The following JAM3 variants were observed in gnomAD, a reference collection of about 807,000 sequenced individuals.
The protein encoded by JAM3 is junctional adhesion molecule C.
In JAM3, 31 loss-of-function variants were observed where a neutral mutation model predicts 39.4. The ratio of observed to expected loss-of-function variants is 0.79; its 90% CI spans 0.59 to 1.06. The LOEUF (loss-of-function observed/expected upper bound fraction) is 1.06, where lower values mean the gene tolerates loss of function less well. Among genes scored for constraint, JAM3 ranks in the 50% least tolerant of loss-of-function variants. The pLI is 0.00. For synonymous variants in JAM3, 182 were observed against 148.7 expected (o/e 1.22, Z -1.63); for missense variants, 455 against 391.4 (o/e 1.16, Z -1.37).
chr11:134,081,448 C>A (rs1005723915), intron 1 of JAM3, among the ~76,000 whole-genome samples: 2 of 152,190 alleles, frequency 1.3e-5, no homozygotes, highest in Non-Finnish European at 2.9e-5. Context: ...GGTGCCCTGC[C>A]TTCCAGCCAC....
At chr11:134,147,295 A>C (rs1159841418) in intron 6 of JAM3, among the ~76,000 whole-genome samples, 1 of 151,496 alleles carries the variant, frequency 6.6e-6, no homozygotes, top group African/African-American at 2.4e-5. Context: ...GTCTACTAAA[A>C]ATACAAAAAT....
intron 1 of JAM3, among the ~76,000 whole-genome samples, chr11:134,093,224 A>G (rs1020248267): frequency 8.7e-5 from 11 of 126,912 alleles, no homozygotes; most frequent in East Asian, 3.0e-4. Context: ...CATCTTATTC[A>G]TCATGTTCCG....
intron 1 of JAM3, among the ~76,000 whole-genome samples, chr11:134,087,692 A>G (rs1231561678): frequency 6.6e-6 from 1 of 152,218 alleles, no homozygotes; most frequent in African/African-American, 2.4e-5. Context: ...CAGGGGACCC[A>G]GGTTTTGCCA....
At chr11:134,109,370 C>T (rs866279659) in intron 1 of JAM3, among the ~76,000 whole-genome samples, 9 of 152,208 alleles carry the variant, frequency 5.9e-5, no homozygotes, top group African/African-American at 2.2e-4. Context: ...GTCTTCATAT[C>T]TTTATTTGCA....
chr11:134,111,277 G>T (rs1396620714), intron 1 of JAM3, among the ~76,000 whole-genome samples: 1 of 151,160 alleles, frequency 6.6e-6, no homozygotes, highest in Non-Finnish European at 1.5e-5. Context: ...CCAAGTAGCT[G>T]GGACTACAGG....
chr11:134,149,762 A>G lies in JAM3; in HGVS notation c.*581A>G. ...GGATCAGCATTTTGTAAAAACAACC[A>G]AAATCAGGAAGGTAAATTGGTTGCT... On this transcript the variant is annotated 3_prime_UTR_variant, in exon 9 of 9. Coordinates refer to ENST00000299106, the MANE Select transcript of JAM3 (RefSeq NM_032801.5). 4.6e-6 allele frequency: 2 copies of G among 435,544 alleles called. No homozygotes were observed. The highest frequency in any genetic ancestry group is 3.2e-5 in the South Asian group (2 of 62,128). The allele number at this position is 435,544 out of a possible 1,614,324, so 27.0% of individuals were successfully genotyped here. A position where few individuals can be genotyped will look rare whatever the true frequency, so the allele number is the denominator to read the frequency against.
chr11:134,074,331 AG>A (rs1457656833), intron 1 of JAM3, among the ~76,000 whole-genome samples: 2 of 152,196 alleles, frequency 1.3e-5, no homozygotes, highest in African/African-American at 2.4e-5. Context: ...TAATGAAAAA[AG>A]TTGCATCTTG....
chr11:134,141,538 C>T (rs1004812600), intron 3 of JAM3, among the ~76,000 whole-genome samples: 3 of 151,958 alleles, frequency 2.0e-5, no homozygotes, highest in Admixed American at 6.5e-5. Flanking sequence ...TCTGAGGGCC[C>T]GCTGTGAGGC....
Position 134,148,597 on chromosome 11 carries a change from G to A in JAM3, c.763G>A (p.Val255Ile), listed in dbSNP as rs758388533. Residue 255 changes from valine to isoleucine, a missense_variant, in exon 7 of 9, where the codon GTA (valine) becomes ATA (isoleucine). Physicochemically the swap from Val to Ile is conservative, Grantham distance 29 (BLOSUM62 3). Coordinates refer to ENST00000299106, the MANE Select transcript of JAM3 (RefSeq NM_032801.5). Reference protein sequence around the residue: ...IIGGVLVVLAVLALITLGICC... With the variant: ...IIGGVLVVLAILALITLGICC... ...TGGGGGGGTTCTGGTTGTCCTTGCTGTACTGGCCCTGATCACGTTGGGCAT... is the reference window on the plus strand; with the variant it reads ...TGGGGGGGTTCTGGTTGTCCTTGCTATACTGGCCCTGATCACGTTGGGCAT... The A allele has an allele frequency of 2.5e-6, 4 of 1,614,024 alleles. No homozygotes were observed. The highest frequency in any genetic ancestry group is 2.2e-5 in the East Asian group (1 of 44,896).
chr11:134,131,739 TA>T (rs1942773710), intron 1 of JAM3, among the ~76,000 whole-genome samples: 1 of 152,008 alleles, frequency 6.6e-6, no homozygotes, highest in East Asian at 1.9e-4. Context: ...ACACTATCAA[TA>T]AAGACATAGA....
chr11:134,137,092 GAC>G (rs1341436263), intron 1 of JAM3, among the ~76,000 whole-genome samples: 1 of 147,830 alleles, frequency 6.8e-6, no homozygotes, highest in Non-Finnish European at 1.5e-5. Context: ...CAGCCTGGCT[GAC>G]AGAGCGAGAC....
chr11:134,109,910 G>A (rs538854451), intron 1 of JAM3, among the ~76,000 whole-genome samples: 1 of 152,320 alleles, frequency 6.6e-6, no homozygotes, highest in East Asian at 1.9e-4. Context: ...GCTTCTTGTA[G>A]GACACAGCTT....
intron 1 of JAM3, among the ~76,000 whole-genome samples, chr11:134,118,351 TC>T (rs1942475416): frequency 6.6e-6 from 1 of 152,150 alleles, no homozygotes. Context: ...ATGGTGACCC[TC>T]CCTCCACCCA....
intron 3 of JAM3, among the ~76,000 whole-genome samples, 175 bp downstream of exon 3, chr11:134,140,945 C>A (rs570358414): frequency 6.6e-6 from 1 of 151,468 alleles, no homozygotes; most frequent in Admixed American, 6.6e-5. Context: ...AAAAGTAATG[C>A]AAATGGTATA....
In JAM3 at chr11:134,149,497, G is replaced by A. The variant is rs1475648836; in HGVS notation, c.*316G>A. 23 of 508,394 alleles carry A rather than the reference G, an allele frequency of 4.5e-5. No individual in the cohort carries two copies. Among genetic ancestry groups the A allele is most frequent in the Non-Finnish European group, 7.0e-5 (19 of 272,816 alleles). 31.5% of individuals were successfully genotyped at this position (508,394 alleles called of 1,614,324 possible). ...GGGTGATCTTAAAGAGTTTGCTCAC[G>A]TAAACGCCCGTGCTGGGCCCTGTGA... On this transcript the variant is annotated 3_prime_UTR_variant, in exon 9 of 9. Transcript: ENST00000299106.
intron 1 of JAM3, among the ~76,000 whole-genome samples, chr11:134,077,650 CTTTTTTTTTTTTTT>C (rs71038558): frequency 9.8e-6 from 1 of 102,038 alleles, no homozygotes; most frequent in Non-Finnish European, 1.9e-5. Flanking sequence ...TGGCTGGCGC[CTTTTTTTTTTTTTT>C]TTTTTTTTTG....
chr11:134,117,340 G>C (rs1220175662), intron 1 of JAM3, among the ~76,000 whole-genome samples: 1 of 152,122 alleles, frequency 6.6e-6, no homozygotes, highest in African/African-American at 2.4e-5. Flanking sequence ...TCACACCATT[G>C]CACTCCAGCC....
intron 1 of JAM3, among the ~76,000 whole-genome samples, chr11:134,113,263 T>C (rs1942353053): frequency 6.6e-6 from 1 of 151,870 alleles, no homozygotes; most frequent in Admixed American, 6.6e-5. Context: ...TACATATGTA[T>C]ACATGTGCTG....
intron 1 of JAM3, among the ~76,000 whole-genome samples, chr11:134,087,972 T>C (rs546281733): frequency 1.8e-3 from 277 of 152,316 alleles, no homozygotes; most frequent in African/African-American, 6.4e-3. Flanking sequence ...ATCCCAGTTA[T>C]GGCAGCCAAA....
Sources: gnomAD v4.1 joint callset for allele counts (sites outside exome capture counted in the v4.1 genomes callset) on GRCh38, gnomAD v4.1.1 for gene constraint, MANE v1.5 for transcripts, NCBI Gene and HGNC (gene_info 2026-07-23, HGNC 2026-07-21) for gene names.